APPBP2: variants seen among roughly 807,000 people sequenced by gnomAD.
APPBP2 encodes the protein amyloid protein-binding protein 2.
A neutral mutation model predicts 76.0 loss-of-function variants in APPBP2; 15 were observed. The ratio of observed to expected loss-of-function variants is 0.20; its 90% CI spans 0.13 to 0.30. The LOEUF (loss-of-function observed/expected upper bound fraction) is 0.30. APPBP2 is among the 10% of genes least tolerant of loss of function. The pLI is 1.00. For missense variants in APPBP2, 401 were observed against 687.2 expected (o/e 0.58, Z 4.66); for synonymous variants, 222 against 242.2 (o/e 0.92, Z 0.77).
intron 9 of APPBP2, among the ~76,000 whole-genome samples, chr17:60,459,041 G>C (rs2090455112): frequency 6.6e-6 from 1 of 152,000 alleles, no homozygotes; most frequent in African/African-American, 2.4e-5. Context: ...AAAGTGCTGG[G>C]ATTACAGGTA....
At chr17:60,460,590 T>C in intron 9 of APPBP2, 73 bp downstream of exon 9, 2 of 1,468,994 alleles carry the variant, frequency 1.4e-6, no homozygotes, top group Non-Finnish European at 1.9e-6. Context: ...TAATAATAGT[T>C]CCCTAATGGG....
chr17:60,485,534 G>T (rs1043597422), intron 3 of APPBP2, among the ~76,000 whole-genome samples: 1 of 152,106 alleles, frequency 6.6e-6, no homozygotes, highest in Admixed American at 6.5e-5. Flanking sequence ...TATTTCTGTA[G>T]GATCAGTGGT....
At chr17:60,490,943 G>C (rs980602674) in intron 3 of APPBP2, among the ~76,000 whole-genome samples, 6 of 152,086 alleles carry the variant, frequency 3.9e-5, no homozygotes, top group Non-Finnish European at 7.3e-5. Flanking sequence ...CCAGTCTCAG[G>C]TATGTCTTTA....
intron 2 of APPBP2, among the ~76,000 whole-genome samples, chr17:60,499,996 G>A (rs1004773852): frequency 1.3e-5 from 2 of 151,242 alleles, no homozygotes; most frequent in African/African-American, 4.9e-5. Context: ...GTTGATGGTT[G>A]CACAATGTGA....
chr17:60,460,895 T>TCTGGGC, intron 8 of APPBP2, 108 bp from the exon 9 acceptor site: 1 of 1,139,372 alleles, frequency 8.8e-7, no homozygotes. Flanking sequence ...ACCATAAAAT[T>TCTGGGC]TTGAAGCCCA....
At chr17:60,510,883 C>T (rs759933058) in intron 1 of APPBP2, among the ~76,000 whole-genome samples, 3 of 152,168 alleles carry the variant, frequency 2.0e-5, no homozygotes, top group Non-Finnish European at 4.4e-5. Context: ...TTTACTAAAA[C>T]TTAAATATGC....
At chr17:60,512,989 T>C (rs976969245) in intron 1 of APPBP2, among the ~76,000 whole-genome samples, 2 of 144,492 alleles carry the variant, frequency 1.4e-5, no homozygotes, top group Non-Finnish European at 3.0e-5. Context: ...CCTGGGAGCC[T>C]ATTCAAAAGG....
intron 6 of APPBP2, 127 bp downstream of exon 6, chr17:60,463,894 C>T (rs1455553037): frequency 1.7e-6 from 1 of 584,124 alleles, no homozygotes; most frequent in African/African-American, 1.9e-5. Flanking sequence ...AGCACAGAAA[C>T]TTATAAAACA....
intron 1 of APPBP2, among the ~76,000 whole-genome samples, chr17:60,505,681 T>TTG (rs2090861619): frequency 1.6e-5 from 2 of 126,804 alleles, no homozygotes; most frequent in South Asian, 4.9e-4. Context: ...CTGCGGTTTT[T>TTG]TTTTTTTTTT....
intron 3 of APPBP2, among the ~76,000 whole-genome samples, chr17:60,482,541 C>T (rs2090638291): frequency 6.6e-6 from 1 of 152,188 alleles, no homozygotes; most frequent in African/African-American, 2.4e-5. Flanking sequence ...CCCATCAACT[C>T]GTCATTTACA....
intron 1 of APPBP2, among the ~76,000 whole-genome samples, chr17:60,525,296 T>A (rs1038053396): frequency 6.6e-6 from 1 of 151,752 alleles, no homozygotes; most frequent in Non-Finnish European, 1.5e-5. Flanking sequence ...CCTTCCCAAT[T>A]GGGAAAAGAA....
In APPBP2 at chr17:60,447,808, T is replaced by C; in HGVS notation, c.1531A>G (p.Ser511Gly). 2 of 1,589,538 alleles carry C rather than the reference T, an allele frequency of 1.3e-6. No individual in the cohort carries two copies. Among genetic ancestry groups the C allele is most frequent in the Non-Finnish European group, 1.7e-6 (2 of 1,168,256 alleles). The change falls in exon 13 of 13, where the codon AGT (serine) becomes GGT (glycine). Residue 511 changes from serine to glycine, a missense_variant. Physicochemically the swap from Ser to Gly is moderately conservative, Grantham distance 56. This residue lies in a region of APPBP2 where 130 missense variants were observed against 322.7 expected (regional missense o/e 0.40). Coordinates refer to ENST00000083182, the MANE Select transcript of APPBP2 (RefSeq NM_006380.5). ...IGKKLFGEGY[S>G]GLEYDYRGLI... ...CCTCGATAATCATATTCTAGTCCAC[T>C]GTAGCCCTCACCAAAAAGTTTCTTC... is the stretch of plus-strand genomic sequence containing the variant.
chr17:60,505,863 T>A (rs954191407), intron 1 of APPBP2, among the ~76,000 whole-genome samples: 1 of 151,276 alleles, frequency 6.6e-6, no homozygotes, highest in Non-Finnish European at 1.5e-5. Context: ...TCTGTATTTT[T>A]AGCAGAGATG....
chr17:60,491,976 G>C (rs977671219), intron 3 of APPBP2, among the ~76,000 whole-genome samples: 24 of 152,170 alleles, frequency 1.6e-4, no homozygotes, highest in African/African-American at 5.3e-4. Flanking sequence ...CAGAGGCCTA[G>C]GAGGAAAAAA....
intron 6 of APPBP2, 48 bp downstream of exon 6, chr17:60,463,973 G>T: frequency 7.4e-7 from 1 of 1,342,332 alleles, no homozygotes; most frequent in Non-Finnish European, 1.0e-6. Flanking sequence ...CAAACTTAAA[G>T]CCTGATAAAT....
In APPBP2 at chr17:60,520,303, T is replaced by G. The variant is rs1020154695; in HGVS notation, c.138+5491A>C. ...AAATCATTAAGGAGGCCGGGCGCAG[T>G]GGCTCACTCCTGTAATCCCAGCACT... On this transcript the variant is annotated intron_variant, in intron 1 of 12. Coordinates refer to ENST00000083182, the MANE Select transcript of APPBP2 (RefSeq NM_006380.5). 5.9e-5 allele frequency among the ~76,000 whole-genome samples: 9 copies of G among 152,312 alleles called. 1 individual carries two copies. The East Asian group carries it at 1.5e-3, about 26-fold the overall frequency.
chr17:60,490,130 G>C (rs2090715033), intron 3 of APPBP2, among the ~76,000 whole-genome samples: 1 of 152,138 alleles, frequency 6.6e-6, no homozygotes. Context: ...TAGTGATGGT[G>C]GTTGTACGAC....
intron 1 of APPBP2, among the ~76,000 whole-genome samples, chr17:60,520,606 A>C (rs2091002086): frequency 6.6e-6 from 1 of 152,066 alleles, no homozygotes; most frequent in South Asian, 2.1e-4. Context: ...GATTGTGAAA[A>C]CAATACATAG....
chr17:60,460,593 C>G (rs1355789717), intron 9 of APPBP2, 70 bp downstream of exon 9: 5 of 1,499,858 alleles, frequency 3.3e-6, no homozygotes, highest in Non-Finnish European at 4.5e-6. Context: ...TAATAGTTCC[C>G]TAATGGGAAA....
Sources: gnomAD v4.1 joint callset for allele counts (sites outside exome capture counted in the v4.1 genomes callset) on GRCh38, gnomAD v4.1.1 for gene constraint, gnomAD v4.1.1 regional missense constraint, MANE v1.5 for transcripts, NCBI Gene and HGNC (gene_info 2026-07-23, HGNC 2026-07-21) for gene names.